Variants in APP observed in about 807,000 individuals in gnomAD.
APP encodes amyloid-beta precursor protein.
Under a neutral mutation model 101.4 loss-of-function variants are expected in APP, and 31 were observed. That is an observed-to-expected ratio of 0.31 (90% CI 0.23 to 0.41). The LOEUF is 0.41. Ranked by LOEUF, APP falls within the 10% of genes least tolerant of loss-of-function variation. The pLI is 1.00. For synonymous variants in APP, 366 were observed against 364.4 expected (o/e 1.00, Z -0.05); for missense variants, 839 against 1,003.7 (o/e 0.84, Z 2.22).
At chr21:26,143,871 T>A (rs1483091266) in intron 1 of APP, among the ~76,000 whole-genome samples, 2 of 152,188 alleles carry the variant, frequency 1.3e-5, no homozygotes, top group Non-Finnish European at 2.9e-5. Flanking sequence ...GATTTCAACC[T>A]CACCCCTATT....
At chr21:26,085,735 T>C (rs532313805) in intron 3 of APP, among the ~76,000 whole-genome samples, 133 of 152,262 alleles carry the variant, frequency 8.7e-4, no homozygotes, top group African/African-American at 2.9e-3. Flanking sequence ...CTAAAGAAGA[T>C]AGCTGTAGAT....
At chr21:26,144,958 T>C (rs1257017375) in intron 1 of APP, among the ~76,000 whole-genome samples, 1 of 152,204 alleles carries the variant, frequency 6.6e-6, no homozygotes, top group African/African-American at 2.4e-5. Flanking sequence ...TAGATGAAAT[T>C]CACTGAAATG....
At chr21:26,140,323 G>A in intron 1 of APP, 1 of 1,527,360 alleles carries the variant, frequency 6.5e-7, no homozygotes, top group Non-Finnish European at 8.8e-7. Context: ...TCCATCCTCG[G>A]GAGGGTGAGT....
intron 3 of APP, among the ~76,000 whole-genome samples, chr21:26,088,446 C>T (rs1196191031): frequency 6.6e-6 from 1 of 152,250 alleles, no homozygotes; most frequent in African/African-American, 2.4e-5. Context: ...AGTGAGCTTA[C>T]ATTCTAATGA....
At chr21:26,087,404 T>C (rs1031122371) in intron 3 of APP, among the ~76,000 whole-genome samples, 1 of 152,236 alleles carries the variant, frequency 6.6e-6, no homozygotes, top group Non-Finnish European at 1.5e-5. Context: ...AGTCCCATAG[T>C]AGTCAAGAAC....
chr21:25,916,188 G>C (rs1360444260), intron 13 of APP, among the ~76,000 whole-genome samples: 2 of 152,140 alleles, frequency 1.3e-5, no homozygotes, highest in East Asian at 1.9e-4. Context: ...TTTTAGTAGA[G>C]ACAGAGTTTC....
intron 9 of APP, among the ~76,000 whole-genome samples, chr21:25,980,040 G>A (rs539535631): frequency 1.6e-3 from 238 of 152,348 alleles, no homozygotes; most frequent in African/African-American, 5.5e-3. Flanking sequence ...GTGTCAGCGT[G>A]AAGAAGAGTG....
At chr21:26,025,975 T>C (rs2044553444) in intron 5 of APP, among the ~76,000 whole-genome samples, 1 of 152,188 alleles carries the variant, frequency 6.6e-6, no homozygotes, top group African/African-American at 2.4e-5. Context: ...TAACTGCAGT[T>C]TTCATGAACA....
chr21:26,156,887 A>T (rs2063385591), intron 1 of APP, among the ~76,000 whole-genome samples: 1 of 152,164 alleles, frequency 6.6e-6, no homozygotes, highest in Non-Finnish European at 1.5e-5. Flanking sequence ...TAAAAATATG[A>T]GCAATATAAT....
intron 11 of APP, among the ~76,000 whole-genome samples, chr21:25,960,850 AT>A (rs2146514516): frequency 6.6e-6 from 1 of 152,348 alleles, no homozygotes; most frequent in East Asian, 1.9e-4. Flanking sequence ...GTTCTGCTTC[AT>A]TGATTTGGCC....
chr21:26,103,596 G>A (rs567239698), intron 2 of APP, among the ~76,000 whole-genome samples: 5 of 151,616 alleles, frequency 3.3e-5, no homozygotes, highest in Admixed American at 2.7e-4. Context: ...GTGAGATCCC[G>A]TCAAAAAAAA....
intron 15 of APP, among the ~76,000 whole-genome samples, chr21:25,904,554 A>G (rs2038684128): frequency 6.6e-6 from 1 of 152,220 alleles, no homozygotes; most frequent in Admixed American, 6.5e-5. Context: ...AATCATGTCT[A>G]CTTCAGTAAC....
At chr21:26,144,514 AATAGTT>A (rs1430234574) in intron 1 of APP, among the ~76,000 whole-genome samples, 3 of 152,246 alleles carry the variant, frequency 2.0e-5, no homozygotes, top group Non-Finnish European at 4.4e-5. Flanking sequence ...TCCTACACTA[AATAGTT>A]ATAAAAACAT....
chr21:25,886,286 T>C (rs567620723), intron 17 of APP, among the ~76,000 whole-genome samples: 1 of 152,328 alleles, frequency 6.6e-6, no homozygotes, highest in East Asian at 1.9e-4. Context: ...TTTCCTAATT[T>C]TGATGCCATC....
At chr21:25,934,770 G>T (rs1601448521) in intron 13 of APP, 1 of 152,276 alleles carries the variant, frequency 6.6e-6, no homozygotes, top group East Asian at 1.9e-4. Flanking sequence ...ACTCAAGGCT[G>T]GAATTAAACA....
chr21:26,003,975 G>A (rs1190543335), intron 6 of APP, among the ~76,000 whole-genome samples: 1 of 152,178 alleles, frequency 6.6e-6, no homozygotes, highest in Non-Finnish European at 1.5e-5. Flanking sequence ...TGTTTTCTCT[G>A]ACTTTTTTGC....
At chr21:26,166,366 G>C (rs1339696690) in intron 1 of APP, among the ~76,000 whole-genome samples, 1 of 152,148 alleles carries the variant, frequency 6.6e-6, no homozygotes, top group African/African-American at 2.4e-5. Flanking sequence ...CAGGGTGACA[G>C]CGTTTCCAAG....
intron 1 of APP, among the ~76,000 whole-genome samples, chr21:26,113,271 A>G (rs1052182952): frequency 6.6e-6 from 1 of 152,238 alleles, no homozygotes; most frequent in Non-Finnish European, 1.5e-5. Context: ...TTCCACGATA[A>G]CTTGTATCAT....
chr21:26,169,861 C>T (rs1027616527), intron 1 of APP, among the ~76,000 whole-genome samples: 1 of 152,226 alleles, frequency 6.6e-6, no homozygotes, highest in Non-Finnish European at 1.5e-5. Flanking sequence ...TCTCCGACCC[C>T]TCCCATTTCT....
Sources: allele counts gnomAD v4.1 joint callset (sites outside exome capture counted in the v4.1 genomes callset), GRCh38; gene constraint gnomAD v4.1.1; transcripts MANE v1.5; gene names NCBI Gene and HGNC (gene_info 2026-07-23, HGNC 2026-07-21).